MAP4K4: variants seen among roughly 807,000 people sequenced by gnomAD.
The protein encoded by MAP4K4 is HPK/GCK-like kinase HGK.
MAP4K4 carries 38 observed loss-of-function variants against 189.6 expected under a neutral mutation model. The ratio of observed to expected loss-of-function variants is 0.20; its 90% confidence interval spans 0.15 to 0.26. The LOEUF (loss-of-function observed/expected upper bound fraction) is 0.26. MAP4K4 is among the 10% of genes least tolerant of loss of function. The pLI is 1.00. For synonymous variants in MAP4K4, 610 were observed against 624.3 expected (o/e 0.98, Z 0.34); for missense variants, 1,054 against 1,726.9 (o/e 0.61, Z 6.91).
intron 10 of MAP4K4, 91 bp downstream of exon 10, chr2:101,840,085 A>G: frequency 7.8e-7 from 1 of 1,281,352 alleles, no homozygotes; most frequent in Non-Finnish European, 1.1e-6. Flanking sequence ...CAGCTGTGAG[A>G]GTGCTCACTT....
intron 4 of MAP4K4, among the ~76,000 whole-genome samples, chr2:101,824,910 T>G (rs1287103791): frequency 1.3e-5 from 2 of 152,238 alleles, no homozygotes; most frequent in East Asian, 3.8e-4. Flanking sequence ...TAATATAAAA[T>G]ATAATAGTTT....
intron 12 of MAP4K4, among the ~76,000 whole-genome samples, chr2:101,845,180 A>G (rs953288492): frequency 3.6e-5 from 5 of 140,498 alleles, no homozygotes; most frequent in Non-Finnish European, 8.1e-5. Flanking sequence ...CCAAAAAAAA[A>G]ATAAAAATAA....
intron 3 of MAP4K4, among the ~76,000 whole-genome samples, chr2:101,792,610 C>T (rs1575627381): frequency 6.7e-6 from 1 of 149,186 alleles, no homozygotes; most frequent in South Asian, 2.1e-4. Flanking sequence ...CCTCCTCCTC[C>T]TCCTCCTCCT....
chr2:101,849,090 G>T (rs936284237), intron 12 of MAP4K4, among the ~76,000 whole-genome samples: 12 of 152,096 alleles, frequency 7.9e-5, no homozygotes, highest in African/African-American at 2.9e-4. Flanking sequence ...GAATTACCCA[G>T]ATTCAGAAAA....
chr2:101,754,416 A>T (rs1354049749), intron 2 of MAP4K4, among the ~76,000 whole-genome samples: 5 of 135,214 alleles, frequency 3.7e-5, no homozygotes, highest in African/African-American at 1.2e-4. Flanking sequence ...CAGTGGCGTG[A>T]TCTCAGCTCA....
At chr2:101,719,658 A>G (rs936230104) in intron 2 of MAP4K4, among the ~76,000 whole-genome samples, 1 of 152,218 alleles carries the variant, frequency 6.6e-6, no homozygotes, top group Non-Finnish European at 1.5e-5. Context: ...CTAGGAAAGC[A>G]GACAGTAAAA....
At chr2:101,841,700 C>CAGGCTGG (rs2096923461) in intron 10 of MAP4K4, among the ~76,000 whole-genome samples, 1 of 152,146 alleles carries the variant, frequency 6.6e-6, no homozygotes, top group Non-Finnish European at 1.5e-5. Flanking sequence ...AACCCCTGAT[C>CAGGCTGG]TCGTGATCTG....
At chr2:101,757,255 T>A (rs2073350896) in intron 2 of MAP4K4, among the ~76,000 whole-genome samples, 2 of 152,276 alleles carry the variant, frequency 1.3e-5, no homozygotes, top group African/African-American at 4.8e-5. Flanking sequence ...GATATGTTAA[T>A]ACTTTTATGT....
At chr2:101,773,606 CTGTT>C (rs2082505492) in intron 2 of MAP4K4, among the ~76,000 whole-genome samples, 1 of 152,180 alleles carries the variant, frequency 6.6e-6, no homozygotes, top group South Asian at 2.1e-4. Flanking sequence ...TCCAGTTATA[CTGTT>C]TTAGTTATTT....
intron 32 of MAP4K4, 98 bp from the exon 33 acceptor site, chr2:101,891,068 G>T: frequency 1.1e-6 from 1 of 927,788 alleles, no homozygotes; most frequent in South Asian, 1.4e-5. Flanking sequence ...TAAGCTTCTC[G>T]TACTTGACAG....
exon 33 of MAP4K4, chr2:101,894,156 A>G (rs2150383882): frequency 6.5e-6 from 1 of 152,884 alleles, no homozygotes; most frequent in Non-Finnish European, 1.5e-5. Flanking sequence ...AAGTGCCAAT[A>G]TGGCAAAATT....
At chr2:101,776,410 A>C (rs995573152) in intron 2 of MAP4K4, among the ~76,000 whole-genome samples, 3 of 152,250 alleles carry the variant, frequency 2.0e-5, no homozygotes, top group Non-Finnish European at 2.9e-5. Flanking sequence ...CTAACGGGGC[A>C]GTTCCCACTG....
rs1016664544 is a variant in MAP4K4 at position 101,882,496 on chromosome 2, A to C, written c.3386-55A>C. On this transcript the variant is annotated intron_variant, in intron 27 of 32. Transcript: ENST00000324219. ...TTTCTTTTGGTTACTATTGTTATTA[A>C]TGATGAGACCTACTTCTGGATATGC... The C allele has an allele frequency of 5.9e-6, 8 of 1,363,018 alleles. No homozygotes were observed. In the African/African-American group the frequency reaches 1.0e-4, roughly 18 times the overall value. 84.4% of individuals were successfully genotyped at this position (1,363,018 alleles called of 1,614,324 possible).
chr2:101,885,294 A>G lies in MAP4K4; in HGVS notation c.3621+7A>G, dbSNP rs2098464056. Reference sequence around the variant, plus strand: ...CAAATTTATGGCCTTTAAGGTAACAACATCAAGTGAATTTAAAAGTAGTAT... The same window carrying G: ...CAAATTTATGGCCTTTAAGGTAACAGCATCAAGTGAATTTAAAAGTAGTAT... On this transcript the variant is annotated splice_region_variant and intron_variant, in intron 29 of 32. Transcript: ENST00000324219. The G allele has an allele frequency of 6.5e-7, 1 of 1,530,936 alleles. No homozygotes were observed. The highest frequency in any genetic ancestry group is 9.0e-7 in the Non-Finnish European group (1 of 1,116,958). 94.8% of individuals were successfully genotyped at this position (1,530,936 alleles called of 1,614,324 possible).
rs959491073 is a variant in MAP4K4 at position 101,867,152 on chromosome 2, A to G, written c.2357-60A>G. The G allele has an allele frequency of 4.4e-6, 5 of 1,132,224 alleles. No homozygotes were observed. In the African/African-American group the frequency reaches 7.7e-5, roughly 17 times the overall value. The allele number at this position is 1,132,224 out of a possible 1,614,324, so 70.1% of individuals were successfully genotyped here. A position where few individuals can be genotyped will look rare whatever the true frequency, so the allele number is the denominator to read the frequency against. On this transcript the variant is annotated intron_variant, in intron 19 of 32. Coordinates refer to ENST00000324219, the Ensembl canonical transcript of MAP4K4. ...TGGGCGGGGTGGGCAGGGCAGCTTC[A>G]TAATACACATCCATATGTTGATATG...
intron 2 of MAP4K4, among the ~76,000 whole-genome samples, chr2:101,724,628 A>T (rs895266956): frequency 1.3e-5 from 2 of 152,218 alleles, no homozygotes; most frequent in African/African-American, 4.8e-5. Flanking sequence ...TTTCTCTCTT[A>T]GGAGGGAATG....
At chr2:101,761,202 C>T (rs1279103791) in intron 2 of MAP4K4, among the ~76,000 whole-genome samples, 1 of 152,108 alleles carries the variant, frequency 6.6e-6, no homozygotes, top group East Asian at 1.9e-4. Context: ...AAGATACTAT[C>T]ATTGTAATGT....
intron 2 of MAP4K4, among the ~76,000 whole-genome samples, chr2:101,734,686 G>C (rs1407972928): frequency 6.6e-6 from 1 of 152,154 alleles, no homozygotes; most frequent in Non-Finnish European, 1.5e-5. Flanking sequence ...TGGGCTGGTT[G>C]CTTTGTCTCT....
intron 23 of MAP4K4, 136 bp downstream of exon 23, chr2:101,870,551 A>C: frequency 8.0e-7 from 1 of 1,251,780 alleles, no homozygotes; most frequent in Non-Finnish European, 1.1e-6. Context: ...TCAAGTGTCG[A>C]GTGTCGGGGG....
Sources: allele counts gnomAD v4.1 joint callset (sites outside exome capture counted in the v4.1 genomes callset), GRCh38; gene constraint gnomAD v4.1.1; transcripts MANE v1.5; gene names NCBI Gene and HGNC (gene_info 2026-07-23, HGNC 2026-07-21).